Variants in PLXNB1 observed in about 807,000 individuals in gnomAD.
The protein encoded by PLXNB1 is plexin-B1.
In PLXNB1, 106 loss-of-function variants were observed where a neutral mutation model predicts 209.4. That is an observed-to-expected ratio of 0.51 (90% confidence interval 0.43 to 0.59). The LOEUF (loss-of-function observed/expected upper bound fraction) is 0.59. PLXNB1 is among the 20% of genes least tolerant of loss of function. PLXNB1 has a pLI of 0.00. For synonymous variants in PLXNB1, 1,167 were observed against 1,183.2 expected (o/e 0.99, Z 0.28); for missense variants, 2,357 against 2,853.2 (o/e 0.83, Z 3.96).
rs929631562 is a variant in PLXNB1 at position 48,417,478 on chromosome 3, C to G, written c.3374+433G>C. Among the ~76,000 whole-genome samples the G allele has an allele frequency of 1.8e-4, 28 of 152,348 alleles. No homozygotes were observed. Among genetic ancestry groups the G allele is most frequent in the Non-Finnish European group, 5.9e-5 (4 of 68,036 alleles). On this transcript the variant is annotated intron_variant, in intron 16 of 37. Transcript: ENST00000296440. The surrounding 1 kb of genome is among the most constrained non-coding windows in gnomAD (Gnocchi z 4.4). ...CCTGGCCCTCGGCCAGTGTGCCTTT[C>G]TGAGGTGTGCCTTCCAAGTCTACCT...
Position 48,410,135 on chromosome 3 carries a change from T to C in PLXNB1, c.5606-58A>G, listed in dbSNP as rs2037575800. The C allele has an allele frequency of 7.9e-6, 12 of 1,516,794 alleles. No individual in the cohort carries two copies. Among genetic ancestry groups the C allele is most frequent in the South Asian group, 2.6e-5 (2 of 77,904 alleles). The allele number at this position is 1,516,794 out of a possible 1,614,324, so 94.0% of individuals were successfully genotyped here. A position where few individuals can be genotyped will look rare whatever the true frequency, so the allele number is the denominator to read the frequency against. On this transcript the variant is annotated intron_variant, in intron 31 of 37. Transcript: ENST00000296440. The surrounding 1 kb of genome is among the most constrained non-coding windows in gnomAD (Gnocchi z 6.4). ...CCAGGTGCCACCTCCCCAGGCCCCC[T>C]GTTTCTTGCCAGCTCTCCCAGGGGT... is the stretch of plus-strand genomic sequence containing the variant.
At chr3:48,420,572 T>C (rs1481809529) in intron 10 of PLXNB1, 93 bp downstream of exon 10, 1 of 1,013,940 alleles carries the variant, frequency 9.9e-7, no homozygotes, top group African/African-American at 1.6e-5. Flanking sequence ...GGACAGAGCC[T>C]CACATAGGCA....
rs1449333810 is a variant in PLXNB1, at chr3:48,409,723, C to T, written c.5787G>A (p.Leu1929=). 18 of 1,613,444 alleles carry T rather than the reference C, an allele frequency of 1.1e-5. No homozygotes were observed. Among genetic ancestry groups the T allele is most frequent in the Non-Finnish European group, 1.5e-5 (18 of 1,179,846 alleles). ...GGAACAGGTCATCCACGAACTTCTG[C>T]AGGGTGCCCTGTGGGAAGGAAGAAG... The part of the protein sequence containing the change: ...LTRLLSMKGT[L]QKFVDDLFQV... The change falls in exon 33 of 38, where the codon CTG becomes CTA. Residue 1929 remains leucine, a synonymous_variant. Transcript: ENST00000296440. The surrounding 1 kb of genome is among the most constrained non-coding windows in gnomAD (Gnocchi z 5.8).
At position 48,420,131 on chromosome 3, in the gene PLXNB1, C is replaced by T; in HGVS notation, c.2155G>A (p.Ala719Thr). ...LPVEPGAPST[A>T]TASDISPGAS... ...CCAGGTGAGATGTCCGAAGCTGTGG[C>T]TGTGGAGGGAGCCCCAGGCTCCACG... is the stretch of plus-strand genomic sequence containing the variant. Residue 719 changes from alanine to threonine, a missense_variant, in exon 11 of 38, where the codon GCC becomes ACC. By Grantham distance (58) the Ala-to-Thr change is moderately conservative. Transcript: ENST00000296440. The T allele has an allele frequency of 6.6e-7, 1 of 1,508,302 alleles. No homozygotes were observed. Among genetic ancestry groups the T allele is most frequent in the Non-Finnish European group, 9.0e-7 (1 of 1,115,308 alleles). 93.4% of individuals were successfully genotyped at this position (1,508,302 alleles called of 1,614,324 possible). A position where few individuals can be genotyped will look rare whatever the true frequency, so the allele number is the denominator to read the frequency against.
In PLXNB1 at chr3:48,418,277, C is replaced by T. The variant is rs201947390; in HGVS notation, c.3136G>A (p.Gly1046Arg). ...CGGGTCACACAACGTGGACGCTCCC[C>T]CTCACACCACACACAGCCATACTGG... ...MPQYGCVWCE[G>R]ERPRCVTREA... Residue 1046 changes from glycine to arginine, a missense_variant, in exon 15 of 38, where the codon GGG (glycine) becomes AGG (arginine). Physicochemically the swap from Gly to Arg is moderately radical, Grantham distance 125 (BLOSUM62 -2). Around this residue, in one of 7 missense-constraint regions of PLXNB1, gnomAD observed 743 missense variants for 896.2 expected, o/e 0.83. Transcript: ENST00000296440. The surrounding 1 kb of genome is among the most constrained non-coding windows in gnomAD (Gnocchi z 6.6). 70 of 1,613,556 alleles carry T rather than the reference C, an allele frequency of 4.3e-5. 2 individuals carry two copies. The highest frequency in any genetic ancestry group is 1.6e-5 in the Non-Finnish European group (19 of 1,180,046).
At position 48,424,459 on chromosome 3, in the gene PLXNB1, A is replaced by G; in HGVS notation, c.153T>C (p.Ala51=). The G allele has an allele frequency of 1.3e-6, 2 of 1,596,266 alleles. No individual in the cohort carries two copies. Among genetic ancestry groups the G allele is most frequent in the South Asian group, 2.3e-5 (2 of 88,066 alleles). ...DPTSGTLYLG[A]TNFLFQLSPG... ...GGCTCAGCTGGAACAGGAAGTTGGT[A>G]GCCCCCAGGTAGAGGGTGCCTGAGG... The change falls in exon 3 of 38, where the codon GCT becomes GCC. Residue 51 remains alanine, a synonymous_variant. Transcript: ENST00000296440.
rs1415771476 is a variant in PLXNB1, at chr3:48,413,052, C to T, written c.4636+17G>A. 2 of 1,610,030 alleles carry T rather than the reference C, an allele frequency of 1.2e-6. No homozygotes were observed. The highest frequency in any genetic ancestry group is 1.7e-6 in the Non-Finnish European group (2 of 1,176,478). On this transcript the variant is annotated intron_variant, in intron 24 of 37. Coordinates refer to ENST00000296440, the MANE Select transcript of PLXNB1 (RefSeq NM_001130082.3). This position sits in a 1 kb window ranked among gnomAD's most constrained non-coding sequence, Gnocchi z 5.4. ...GGGCAGAGTTCTGGAGGGCGGGGCC[C>T]ATTCTCTCAGCCACACCTGTGAATT...
At chr3:48,420,636 G>A (rs764649847) in intron 10 of PLXNB1, 29 bp downstream of exon 10, 53 of 1,572,102 alleles carry the variant, frequency 3.4e-5, no homozygotes, top group Non-Finnish European at 4.3e-5. Context: ...CAACCCCCCC[G>A]GTATGGCCCA....
chr3:48,427,354 G>T (rs907340646), intron 1 of PLXNB1, among the ~76,000 whole-genome samples: 26 of 152,106 alleles, frequency 1.7e-4, no homozygotes, highest in Non-Finnish European at 3.7e-4. Context: ...AGCACCCCTT[G>T]CCCCTCCACA....
rs1277305647 is a variant in PLXNB1, at chr3:48,418,183, C to A, written c.3222+8G>T. On this transcript the variant is annotated splice_region_variant and intron_variant, in intron 15 of 37. Transcript: ENST00000296440. The surrounding 1 kb of genome is among the most constrained non-coding windows in gnomAD (Gnocchi z 6.6). Reference sequence around the variant, plus strand: ...ACTGAGGAAGGGATGGCCAGCCTTTCAACAAACCGAGTGGATGAGGGGCGC... The same window carrying A: ...ACTGAGGAAGGGATGGCCAGCCTTTAAACAAACCGAGTGGATGAGGGGCGC... 6.2e-7 allele frequency: 1 copy of A among 1,610,204 alleles called. No homozygotes were observed. The highest frequency in any genetic ancestry group is 8.5e-7 in the Non-Finnish European group (1 of 1,178,514).
rs959163809 is a variant in PLXNB1, at chr3:48,415,401, T to C, written c.3795-54A>G. Reference sequence around the variant, plus strand: ...TAAGATGGCTTATGTTACCTGGACCTAAAGCACAGCCCAGTCCCGGCTAGG... The same window carrying C: ...TAAGATGGCTTATGTTACCTGGACCCAAAGCACAGCCCAGTCCCGGCTAGG... On this transcript the variant is annotated intron_variant, in intron 19 of 37. Transcript: ENST00000296440. The surrounding 1 kb of genome is among the most constrained non-coding windows in gnomAD (Gnocchi z 5.0). The C allele has an allele frequency of 8.9e-6, 14 of 1,570,492 alleles. No individual in the cohort carries two copies. In the Admixed American group the frequency reaches 2.5e-4, roughly 28 times the overall value.
rs2038050186 is a variant in PLXNB1 at position 48,415,776 on chromosome 3, G to C, written c.3618-17C>G. 6.5e-7 allele frequency: 1 copy of C among 1,538,958 alleles called. No individual in the cohort carries two copies. The highest frequency in any genetic ancestry group is 8.8e-7 in the Non-Finnish European group (1 of 1,137,970). ...TCCGGCAGCCTGGGAGGGGAGGTGG[G>C]AATGAATGCAGGGGCGCAGGCAGGG... is the stretch of plus-strand genomic sequence containing the variant. On this transcript the variant is annotated splice_polypyrimidine_tract_variant and intron_variant, in intron 18 of 37. Transcript: ENST00000296440. The surrounding 1 kb of genome is among the most constrained non-coding windows in gnomAD (Gnocchi z 5.0).
intron 8 of PLXNB1, 53 bp from the exon 9 acceptor site, chr3:48,421,009 C>A: frequency 6.8e-7 from 1 of 1,462,672 alleles, no homozygotes; most frequent in East Asian, 2.3e-5. Flanking sequence ...TGCACTCAGA[C>A]CCAGAGCCGA....
intron 1 of PLXNB1, among the ~76,000 whole-genome samples, chr3:48,428,988 G>A (rs1429992475): frequency 6.6e-6 from 1 of 152,224 alleles, no homozygotes; most frequent in Admixed American, 6.5e-5. Context: ...GGCCCTGGGA[G>A]GGCGGGGAAG....
Position 48,409,824 on chromosome 3 carries a change from G to C in PLXNB1, c.5778+81C>G. On this transcript the variant is annotated intron_variant, in intron 32 of 37. Transcript: ENST00000296440. This position sits in a 1 kb window ranked among gnomAD's most constrained non-coding sequence, Gnocchi z 5.8. ...ACCCCCCGGCACTGTGCCTGCACGAGCCCCACACCACCCCCAAATCCCACG... is the reference window on the plus strand; with the variant it reads ...ACCCCCCGGCACTGTGCCTGCACGACCCCCACACCACCCCCAAATCCCACG... The C allele has an allele frequency of 6.4e-7, 1 of 1,574,338 alleles. No homozygotes were observed. The highest frequency in any genetic ancestry group is 2.3e-5 in the East Asian group (1 of 44,418).
chr3:48,412,808 C>A lies in PLXNB1; in HGVS notation c.4788G>T (p.Arg1596=). The A allele has an allele frequency of 6.2e-7, 1 of 1,613,646 alleles. No individual in the cohort carries two copies. The highest frequency in any genetic ancestry group is 8.5e-7 in the Non-Finnish European group (1 of 1,180,034). ...GCCCCAGCCCTTGCTCCACAGTGGG[C>A]CGTCTGCTCTCAGGCACACCCAGGT... ...HRDLGVPESR[R]PTVEQGLGQL... Residue 1596 remains arginine (R), a synonymous_variant, in exon 25 of 38, where the codon CGG becomes CGT. Transcript: ENST00000296440.
At position 48,418,792 on chromosome 3, in the gene PLXNB1, G is replaced by A. The variant is rs913955623; in HGVS notation, c.2955+125C>T. ...GTCAGAGGTCAGAAATGGGTGTGGA[G>A]ACTCCCTCAGGGCGACACGGTCAGA... is the stretch of plus-strand genomic sequence containing the variant. On this transcript the variant is annotated intron_variant, in intron 13 of 37. Coordinates refer to ENST00000296440, the MANE Select transcript of PLXNB1 (RefSeq NM_001130082.3). This position sits in a 1 kb window ranked among gnomAD's most constrained non-coding sequence, Gnocchi z 6.6. 8.0e-6 allele frequency: 10 copies of A among 1,246,332 alleles called. No individual in the cohort carries two copies. The African/African-American group carries it at 1.3e-4, about 17-fold the overall frequency. The allele number at this position is 1,246,332 out of a possible 1,614,324, so 77.2% of individuals were successfully genotyped here. A position where few individuals can be genotyped will look rare whatever the true frequency, so the allele number is the denominator to read the frequency against.
rs914405702 is a variant in PLXNB1, at chr3:48,405,407, C to A, written c.6303+317G>T. On this transcript the variant is annotated intron_variant, in intron 37 of 37. Coordinates refer to ENST00000296440, the MANE Select transcript of PLXNB1 (RefSeq NM_001130082.3). The surrounding 1 kb of genome is among the most constrained non-coding windows in gnomAD (Gnocchi z 5.0). ...GGCCTGCACTTGCATGTTGGCCGTGCCCAACATGCTGCCAACTCAGCAAAT... is the reference window on the plus strand; with the variant it reads ...GGCCTGCACTTGCATGTTGGCCGTGACCAACATGCTGCCAACTCAGCAAAT... Among the ~76,000 whole-genome samples the A allele has an allele frequency of 3.9e-5, 6 of 152,142 alleles. No homozygotes were observed. The highest frequency in any genetic ancestry group is 1.4e-4 in the African/African-American group (6 of 41,440).
At position 48,415,686 on chromosome 3, in the gene PLXNB1, C is replaced by A. The variant is rs764937055; in HGVS notation, c.3691G>T (p.Ala1231Ser). 48 of 1,558,568 alleles carry A rather than the reference C, an allele frequency of 3.1e-5. No individual in the cohort carries two copies. Among genetic ancestry groups the A allele is most frequent in the South Asian group, 1.1e-4 (9 of 84,580 alleles). ...PRPTPATLPVAVWFGATERRL... is the reference protein window; with the variant it reads ...PRPTPATLPVSVWFGATERRL... The stretch of plus-strand genomic sequence containing the variant: ...CGCTCCGTGGCCCCAAACCACACAG[C>A]CACAGGGAGCGTGGCAGGCGTGGGG... The change falls in exon 19 of 38, where the codon GCT (alanine) becomes TCT (serine). Residue 1231 changes from alanine to serine, a missense_variant. Ala to Ser is a moderately conservative substitution (Grantham distance 99, BLOSUM62 1). This residue lies in a region of PLXNB1 where 743 missense variants were observed against 896.2 expected (regional missense o/e 0.83). Transcript: ENST00000296440. This position sits in a 1 kb window ranked among gnomAD's most constrained non-coding sequence, Gnocchi z 5.0.
Sources: allele counts gnomAD v4.1 joint callset (sites outside exome capture counted in the v4.1 genomes callset), GRCh38; gene constraint gnomAD v4.1.1; regional missense constraint gnomAD v4.1.1; non-coding constraint Gnocchi (gnomAD v3.1); transcripts MANE v1.5; gene names NCBI Gene and HGNC (gene_info 2026-07-23, HGNC 2026-07-21).